The following CUX2 variants were observed in gnomAD, a reference collection of about 807,000 sequenced individuals.
The protein encoded by CUX2 is cut like homeobox 2, also known as homeobox protein cut-like 2.
CUX2 carries 40 observed loss-of-function variants against 144.8 expected under a neutral mutation model. The observed-to-expected ratio is 0.28, with a 90% CI of 0.21 to 0.36. The LOEUF (loss-of-function observed/expected upper bound fraction) is 0.36. Among genes scored for constraint, CUX2 ranks in the 10% least tolerant of loss-of-function variants. The pLI is 1.00. For synonymous variants in CUX2, 827 were observed against 875.6 expected (o/e 0.94, Z 0.98); for missense variants, 1,615 against 1,994.0 (o/e 0.81, Z 3.62).
intron 1 of CUX2, among the ~76,000 whole-genome samples, chr12:111,169,283 G>A (rs556464525): frequency 1.4e-4 from 21 of 152,214 alleles, no homozygotes; most frequent in African/African-American, 4.6e-4. Flanking sequence ...GGCGAGGAAG[G>A]ACCCTCCCCT....
intron 9 of CUX2, among the ~76,000 whole-genome samples, chr12:111,302,899 T>TAAAAA (rs35454022): frequency 3.7e-5 from 4 of 109,444 alleles, no homozygotes; most frequent in East Asian, 2.4e-4. Flanking sequence ...GACTCTGTCT[T>TAAAAA]AAAAAAAAAA....
At chr12:111,152,796 G>A (rs950368225) in intron 1 of CUX2, among the ~76,000 whole-genome samples, 3 of 152,228 alleles carry the variant, frequency 2.0e-5, no homozygotes, top group Non-Finnish European at 4.4e-5. Flanking sequence ...GACGGGGGAA[G>A]GAGGTGTTAG....
chr12:111,245,080 A>G (rs949434323), intron 3 of CUX2, among the ~76,000 whole-genome samples: 2 of 152,158 alleles, frequency 1.3e-5, no homozygotes, highest in African/African-American at 4.8e-5. Context: ...AAATGGAAGC[A>G]ACTTCTCCCC....
chr12:111,166,826 C>G (rs1878175263), intron 1 of CUX2, among the ~76,000 whole-genome samples: 1 of 152,168 alleles, frequency 6.6e-6, no homozygotes, highest in South Asian at 2.1e-4. Flanking sequence ...CGAACAGCAA[C>G]CGTCCAACTT....
intron 3 of CUX2, among the ~76,000 whole-genome samples, chr12:111,240,746 C>T (rs1370690036): frequency 2.0e-5 from 3 of 152,196 alleles, no homozygotes; most frequent in Non-Finnish European, 4.4e-5. Flanking sequence ...TTCTCATCTC[C>T]TCTGGGCTAC....
intron 1 of CUX2, among the ~76,000 whole-genome samples, chr12:111,213,347 G>A (rs1343466774): frequency 1.3e-5 from 2 of 152,216 alleles, no homozygotes; most frequent in East Asian, 1.9e-4. Context: ...CCATTAAAGT[G>A]AAGAAAGCTT....
chr12:111,222,899 C>T (rs1164460532), intron 3 of CUX2, among the ~76,000 whole-genome samples: 1 of 152,106 alleles, frequency 6.6e-6, no homozygotes, highest in Non-Finnish European at 1.5e-5. Context: ...CACTTGAGCC[C>T]ATGTAATCAT....
chr12:111,279,751 A>G (rs889612336), intron 4 of CUX2, among the ~76,000 whole-genome samples: 1 of 152,232 alleles, frequency 6.6e-6, no homozygotes, highest in African/African-American at 2.4e-5. Context: ...TGGAAGGCCA[A>G]GGCCAGCAGA....
chr12:111,109,136 T>C (rs1337291848), intron 1 of CUX2, among the ~76,000 whole-genome samples: 1 of 152,232 alleles, frequency 6.6e-6, no homozygotes, highest in Non-Finnish European at 1.5e-5. Flanking sequence ...CCTGGGTCCA[T>C]GAATTCATTA....
chr12:111,301,821 T>C (rs1223703119), intron 9 of CUX2, among the ~76,000 whole-genome samples: 1 of 152,242 alleles, frequency 6.6e-6, no homozygotes, highest in Non-Finnish European at 1.5e-5. Context: ...CCAGCTTTAC[T>C]GTTCAGGGGC....
intron 1 of CUX2, among the ~76,000 whole-genome samples, chr12:111,170,545 CTTTTTT>C (rs34282526): frequency 6.0e-4 from 48 of 79,942 alleles, no homozygotes; most frequent in Admixed American, 1.2e-3. Context: ...CCCAGCTCTT[CTTTTTT>C]TTTTTTTTTT....
intron 9 of CUX2, 115 bp downstream of exon 9, chr12:111,298,704 G>A (rs1886139880): frequency 8.8e-7 from 1 of 1,142,746 alleles, no homozygotes; most frequent in Non-Finnish European, 1.3e-6. Context: ...ATTCAACTGT[G>A]GGTCTTGTGC....
intron 18 of CUX2, among the ~76,000 whole-genome samples, chr12:111,334,038 T>C (rs1888230893): frequency 6.6e-6 from 1 of 150,704 alleles, no homozygotes; most frequent in Non-Finnish European, 1.5e-5. Flanking sequence ...ATACAAAAAA[T>C]TAGCAGGGCG....
At chr12:111,177,745 G>T (rs1878941706) in intron 1 of CUX2, among the ~76,000 whole-genome samples, 2 of 152,204 alleles carry the variant, frequency 1.3e-5, no homozygotes, top group Non-Finnish European at 2.9e-5. Context: ...ACTTTTCATG[G>T]AATGGAAGGT....
intron 4 of CUX2, among the ~76,000 whole-genome samples, chr12:111,274,117 A>C (rs989909472): frequency 1.3e-5 from 2 of 152,072 alleles, no homozygotes; most frequent in Non-Finnish European, 2.9e-5. Flanking sequence ...TTTTTAGTAG[A>C]GACGGGATTT....
Position 111,349,471 on chromosome 12 carries a change from C to T in CUX2, c.*1146C>T, listed in dbSNP as rs962023276. ...AACTAGAGACCCCAGCTCCCCTTCTCGCCATCTTCTTTCTCAAGTTGACCG... is the reference window on the plus strand; with the variant it reads ...AACTAGAGACCCCAGCTCCCCTTCTTGCCATCTTCTTTCTCAAGTTGACCG... On this transcript the variant is annotated 3_prime_UTR_variant, in exon 22 of 22. Coordinates refer to ENST00000261726, the MANE Select transcript of CUX2 (RefSeq NM_015267.4). 3 of 152,270 alleles carry T rather than the reference C, an allele frequency of 2.0e-5. No individual in the cohort carries two copies. Among genetic ancestry groups the T allele is most frequent in the African/African-American group, 7.2e-5 (3 of 41,458 alleles). The allele number at this position is 152,270 out of a possible 1,614,324, so 9.4% of individuals were successfully genotyped here. A position where few individuals can be genotyped will look rare whatever the true frequency, so the allele number is the denominator to read the frequency against.
rs755408839 is a variant in CUX2, at chr12:111,334,635, G to A, written c.3121G>A (p.Val1041Met). ...GGCCCCAGGGGGCATCCAGGAGATC[G>A]TGGCCATGTCCCCCGAGCTGGACAC... is the stretch of plus-strand genomic sequence containing the variant. ...SQAPGGIQEI[V>M]AMSPELDTYS... Residue 1041 changes from valine to methionine, a missense_variant, in exon 19 of 22, where the codon GTG becomes ATG. Val to Met is a conservative substitution (Grantham distance 21). This residue lies in a region of CUX2 where 128 missense variants were observed against 124.4 expected (regional missense o/e 1.03). Transcript: ENST00000261726. 8.7e-6 allele frequency: 14 copies of A among 1,613,896 alleles called. No homozygotes were observed. The highest frequency in any genetic ancestry group is 2.2e-5 in the East Asian group (1 of 44,878).
intron 1 of CUX2, among the ~76,000 whole-genome samples, chr12:111,097,344 G>A (rs1307327795): frequency 6.6e-6 from 1 of 152,192 alleles, no homozygotes; most frequent in Non-Finnish European, 1.5e-5. Flanking sequence ...TTCAATTTTG[G>A]GAAGTGTTTT....
At chr12:111,196,231 A>C (rs1265172850) in intron 1 of CUX2, among the ~76,000 whole-genome samples, 1 of 152,230 alleles carries the variant, frequency 6.6e-6, no homozygotes, top group African/African-American at 2.4e-5. Flanking sequence ...TTGTATGGAT[A>C]GACCACGTTT....
Sources: allele counts gnomAD v4.1 joint callset (sites outside exome capture counted in the v4.1 genomes callset), GRCh38; gene constraint gnomAD v4.1.1; regional missense constraint gnomAD v4.1.1; transcripts MANE v1.5; gene names NCBI Gene and HGNC (gene_info 2026-07-23, HGNC 2026-07-21).